Variants in RAB11FIP3 observed in about 807,000 individuals in gnomAD.
RAB11FIP3 encodes the protein rab11 family-interacting protein 3.
A neutral mutation model predicts 77.8 loss-of-function variants in RAB11FIP3; 17 were observed. That is an observed-to-expected ratio of 0.22 (90% confidence interval 0.15 to 0.33). RAB11FIP3 has a LOEUF of 0.33. Among genes scored for constraint, RAB11FIP3 ranks in the 10% least tolerant of loss-of-function variants. The probability of loss-of-function intolerance (pLI) is 1.00; values close to 1 mark genes in which losing one functional copy is unlikely to be tolerated. For synonymous variants in RAB11FIP3, 437 were observed against 448.2 expected, an observed-to-expected ratio of 0.98 and a Z score of 0.31; for missense variants, 1,005 against 1,011.2, an observed-to-expected ratio of 0.99 and a Z score of 0.08.
intron 1 of RAB11FIP3, among the ~76,000 whole-genome samples, chr16:455,331 G>A (rs1472972879): frequency 2.0e-5 from 3 of 150,390 alleles, no homozygotes; most frequent in South Asian, 2.1e-4. Flanking sequence ...AAAATCAGCC[G>A]GGCGTGGTGG....
intron 5 of RAB11FIP3, among the ~76,000 whole-genome samples, chr16:492,389 GCCC>G (rs1567391946): frequency 4.3e-5 from 6 of 138,324 alleles, no homozygotes; most frequent in African/African-American, 1.8e-4. Context: ...GCCGCCCAGA[GCCC>G]TCCCCGGGAG....
chr16:513,110 A>C (rs1003300641), intron 9 of RAB11FIP3, among the ~76,000 whole-genome samples: 5 of 152,346 alleles, frequency 3.3e-5, no homozygotes, highest in Admixed American at 3.3e-4. Flanking sequence ...TAAAAGTTAA[A>C]AGCATCAGGT....
intron 5 of RAB11FIP3, among the ~76,000 whole-genome samples, chr16:492,974 G>A (rs775522413): frequency 1.2e-4 from 18 of 152,076 alleles, no homozygotes; most frequent in South Asian, 2.1e-4. Context: ...CGGGCCAGGC[G>A]CAGTGACTCA....
chr16:520,286 G>T lies in RAB11FIP3; in HGVS notation c.2016+9G>T. 1 of 1,545,438 alleles carries T rather than the reference G, an allele frequency of 6.5e-7. No homozygotes were observed. The highest frequency in any genetic ancestry group is 1.2e-5 in the South Asian group (1 of 84,942). ...TCCGCAGGCTGAAGCAGGTGGGCAG[G>T]CCTGGGCCTCCCTCCCTCACACTCC... On this transcript the variant is annotated intron_variant, in intron 12 of 13. Coordinates refer to ENST00000262305, the MANE Select transcript of RAB11FIP3 (RefSeq NM_014700.4).
rs142586327 is a variant in RAB11FIP3 at position 491,913 on chromosome 16, A to T, written c.1265+2913A>T. ...CTTTCCACAGCAGCCCTAGCCTAGC[A>T]GAAGAGGTGAGTGAGCATACAGGCT... On this transcript the variant is annotated intron_variant, in intron 5 of 13. Transcript: ENST00000262305. Among the ~76,000 whole-genome samples the T allele has an allele frequency of 4.1e-4, 63 of 152,350 alleles. 1 individual carries two copies. The East Asian group carries it at 0.011, about 28-fold the overall frequency.
chr16:475,064 C>T (rs1278859692), intron 3 of RAB11FIP3: 1 of 1,551,594 alleles, frequency 6.4e-7, no homozygotes, highest in Non-Finnish European at 8.7e-7. Context: ...AGAGCCAGGC[C>T]CAGCCTGTGA....
intron 1 of RAB11FIP3, among the ~76,000 whole-genome samples, chr16:446,616 G>GTCTCT (rs2055320956): frequency 2.0e-5 from 3 of 152,228 alleles, no homozygotes; most frequent in Non-Finnish European, 4.4e-5. Context: ...GTCCTACAGA[G>GTCTCT]ACATGTTGAC....
chr16:427,607 T>C (rs2054971057), intron 1 of RAB11FIP3, among the ~76,000 whole-genome samples: 1 of 152,224 alleles, frequency 6.6e-6, no homozygotes, highest in Non-Finnish European at 1.5e-5. Flanking sequence ...CATCAAATAA[T>C]ACCAGTGCTC....
rs1181125317 is a variant in RAB11FIP3, at chr16:522,197, T to C, written c.*1358T>C. 1.3e-5 allele frequency: 2 copies of C among 150,154 alleles called. No homozygotes were observed. The highest frequency in any genetic ancestry group is 4.9e-5 in the African/African-American group (2 of 40,824). The allele number at this position is 150,154 out of a possible 1,614,324, so 9.3% of individuals were successfully genotyped here. The stretch of plus-strand genomic sequence containing the variant: ...GTAGGTATTTTTTATAGATTGAAGG[T>C]TGATCAATTTTTTAATACTTTCAAG... On this transcript the variant is annotated 3_prime_UTR_variant, in exon 14 of 14. Coordinates refer to ENST00000262305, the MANE Select transcript of RAB11FIP3 (RefSeq NM_014700.4).
intron 2 of RAB11FIP3, among the ~76,000 whole-genome samples, chr16:468,268 AAGTCAGGGAGGAGGTGCAGGGG>A (rs2055750871): frequency 1.6e-4 from 1 of 6,326 alleles, no homozygotes; most frequent in Non-Finnish European, 3.5e-4. Context: ...AGGTGCAGGG[AAGTCAGGGAGGAGGTGCAGGGG>A]CGTCAGGGAG....
At chr16:512,386 G>T (rs1381573114) in intron 9 of RAB11FIP3, among the ~76,000 whole-genome samples, 3 of 150,858 alleles carry the variant, frequency 2.0e-5, no homozygotes, top group African/African-American at 4.9e-5. Context: ...GACTACAGGT[G>T]CCTGCCACCA....
intron 1 of RAB11FIP3, among the ~76,000 whole-genome samples, chr16:449,797 C>T (rs1051574504): frequency 6.6e-6 from 1 of 151,888 alleles, no homozygotes; most frequent in Non-Finnish European, 1.5e-5. Flanking sequence ...ACTAAAAATA[C>T]AAAATTAGCC....
chr16:441,707 A>G (rs1212730286), intron 1 of RAB11FIP3, among the ~76,000 whole-genome samples: 3 of 152,088 alleles, frequency 2.0e-5, no homozygotes, highest in African/African-American at 7.2e-5. Flanking sequence ...GCAAACACAC[A>G]TTTGTGTTCC....
At chr16:466,618 G>T (rs2055705603) in intron 2 of RAB11FIP3, among the ~76,000 whole-genome samples, 1 of 152,240 alleles carries the variant, frequency 6.6e-6, no homozygotes, top group Non-Finnish European at 1.5e-5. Context: ...GTGGCTGCCT[G>T]TGGTTGCCGG....
chr16:473,526 C>G (rs959843909), intron 3 of RAB11FIP3, among the ~76,000 whole-genome samples: 2 of 152,180 alleles, frequency 1.3e-5, no homozygotes, highest in African/African-American at 4.8e-5. Flanking sequence ...ACCTTCGCCT[C>G]CTGCGCTCAA....
At position 489,180 on chromosome 16, in the gene RAB11FIP3, G is replaced by A. The variant is rs1486843890; in HGVS notation, c.1265+180G>A. On this transcript the variant is annotated intron_variant, in intron 5 of 13. Coordinates refer to ENST00000262305, the MANE Select transcript of RAB11FIP3 (RefSeq NM_014700.4). ...CCTGGATTTATGAAAGTTGGGAGAA[G>A]TCCCTCTTCTCCAGCCACATCCCCA... The A allele has an allele frequency of 5.2e-6, 4 of 764,612 alleles. No individual in the cohort carries two copies. The African/African-American group carries it at 5.3e-5, about 10-fold the overall frequency. 47.4% of individuals were successfully genotyped at this position (764,612 alleles called of 1,614,324 possible). A position where few individuals can be genotyped will look rare whatever the true frequency, so the allele number is the denominator to read the frequency against.
At chr16:485,820 A>C (rs1033950120) in intron 4 of RAB11FIP3, among the ~76,000 whole-genome samples, 1 of 152,242 alleles carries the variant, frequency 6.6e-6, no homozygotes, top group African/African-American at 2.4e-5. Context: ...CACAGTCACT[A>C]TGATGTTTAC....
At chr16:486,160 T>C (rs2056149331) in intron 4 of RAB11FIP3, among the ~76,000 whole-genome samples, 1 of 152,208 alleles carries the variant, frequency 6.6e-6, no homozygotes, top group Admixed American at 6.5e-5. Context: ...CTCCTTGGCC[T>C]CCCAAAATGC....
At chr16:452,171 C>T (rs1344696045) in intron 1 of RAB11FIP3, among the ~76,000 whole-genome samples, 1 of 150,618 alleles carries the variant, frequency 6.6e-6, no homozygotes, top group African/African-American at 2.4e-5. Context: ...AGGAAACAAA[C>T]AAACAAACAA....
Sources: allele counts gnomAD v4.1 joint callset (sites outside exome capture counted in the v4.1 genomes callset), GRCh38; gene constraint gnomAD v4.1.1; transcripts MANE v1.5; gene names NCBI Gene and HGNC (gene_info 2026-07-23, HGNC 2026-07-21).